Variants in SEMA3A observed in about 807,000 individuals in gnomAD.
SEMA3A encodes semaphorin 3A.
SEMA3A carries 29 observed loss-of-function variants against 97.9 expected under a neutral mutation model. The ratio of observed to expected loss-of-function variants is 0.30; its 90% CI spans 0.22 to 0.40. The LOEUF (loss-of-function observed/expected upper bound fraction) is 0.40. Ranked by LOEUF, SEMA3A falls within the 10% of genes least tolerant of loss-of-function variation. The pLI is 1.00. For missense variants in SEMA3A, 763 were observed against 951.3 expected, an observed-to-expected ratio of 0.80 and a Z score of 2.60; for synonymous variants, 321 against 323.7, an observed-to-expected ratio of 0.99 and a Z score of 0.09.
At position 84,300,440 on chromosome 7, in the gene SEMA3A, A is replaced by C. The variant is rs1158088216; in HGVS notation, c.-83+6767T>G. Among the ~76,000 whole-genome samples, 3 of 152,108 alleles carry C rather than the reference A, an allele frequency of 2.0e-5. No homozygotes were observed. In the East Asian group the frequency reaches 5.8e-4, roughly 29 times the overall value. ...TACACTTGAAAATATCAGTGATAAA[A>C]ATAAAATTCTAAAAGCTTTTTATTT... On this transcript the variant is annotated intron_variant, in intron 3 of 3. Transcript: ENST00000424555.
At position 83,961,840 on chromosome 7, in the gene SEMA3A, A is replaced by G; in HGVS notation, c.1861-14T>C. The G allele has an allele frequency of 6.3e-7, 1 of 1,595,444 alleles. No homozygotes were observed. The highest frequency in any genetic ancestry group is 8.6e-7 in the Non-Finnish European group (1 of 1,167,140). Reference sequence around the variant, plus strand: ...ATCCACTCTGATCTAGCAGGTTAAAAAAAAGGCAGTGTAAAATATACATAT... The same window carrying G: ...ATCCACTCTGATCTAGCAGGTTAAAGAAAAGGCAGTGTAAAATATACATAT... On this transcript the variant is annotated splice_polypyrimidine_tract_variant and intron_variant, in intron 16 of 16. Coordinates refer to ENST00000265362, the MANE Select transcript of SEMA3A (RefSeq NM_006080.3).
chr7:84,278,414 C>A (rs1800363724), intron 3 of SEMA3A, among the ~76,000 whole-genome samples: 1 of 152,166 alleles, frequency 6.6e-6, no homozygotes, highest in African/African-American at 2.4e-5. Context: ...TGCCTGTTAT[C>A]CAATTCCAAA....
At chr7:84,061,222 A>G (rs1793204153) in intron 4 of SEMA3A, among the ~76,000 whole-genome samples, 1 of 152,200 alleles carries the variant, frequency 6.6e-6, no homozygotes, top group Non-Finnish European at 1.5e-5. Flanking sequence ...CAAGCACATT[A>G]TTACCACGGG....
intron 2 of SEMA3A, among the ~76,000 whole-genome samples, chr7:84,333,408 C>A (rs979338238): frequency 1.1e-4 from 16 of 152,000 alleles, no homozygotes; most frequent in Non-Finnish European, 1.9e-4. Flanking sequence ...AGTCTTTAGC[C>A]TCATCATTTA....
At chr7:84,316,637 A>G (rs1001337197) in intron 2 of SEMA3A, among the ~76,000 whole-genome samples, 2 of 152,148 alleles carry the variant, frequency 1.3e-5, no homozygotes, top group African/African-American at 4.8e-5. Context: ...TTTACCATTT[A>G]AGAGCTCCTG....
chr7:84,188,712 C>A (rs1038017366), intron 1 of SEMA3A, among the ~76,000 whole-genome samples: 2 of 151,776 alleles, frequency 1.3e-5, no homozygotes, highest in African/African-American at 2.4e-5. Context: ...TTGTTTCATT[C>A]ACTATTTTGT....
intron 6 of SEMA3A, among the ~76,000 whole-genome samples, chr7:84,023,782 G>A (rs1375212803): frequency 1.3e-5 from 2 of 151,922 alleles, no homozygotes; most frequent in Non-Finnish European, 2.9e-5. Flanking sequence ...AGGCCGAGGC[G>A]GGTGGATCAC....
intron 1 of SEMA3A, among the ~76,000 whole-genome samples, chr7:84,160,804 C>T (rs1018520508): frequency 2.6e-5 from 4 of 151,796 alleles, no homozygotes; most frequent in African/African-American, 7.2e-5. Flanking sequence ...TGCTTGAACC[C>T]GGGAGGAGGA....
chr7:83,995,094 C>T (rs547748692), intron 12 of SEMA3A, among the ~76,000 whole-genome samples: 1 of 152,268 alleles, frequency 6.6e-6, no homozygotes, highest in African/African-American at 2.4e-5. Context: ...TGCCATCCGT[C>T]ACCCCTTTCT....
intron 4 of SEMA3A, among the ~76,000 whole-genome samples, chr7:84,080,110 AC>A: frequency 7.1e-6 from 1 of 140,534 alleles, no homozygotes; most frequent in South Asian, 2.5e-4. Context: ...AGGACAAAAA[AC>A]CAAACACTGC....
At position 84,132,662 on chromosome 7, in the gene SEMA3A, G is replaced by GTTTTTT. The variant is rs55830654; in HGVS notation, c.270+2126_270+2131dup. 5.7e-4 allele frequency among the ~76,000 whole-genome samples: 49 copies of GTTTTTT among 86,652 alleles called. 2 individuals are homozygous for GTTTTTT. The highest frequency in any genetic ancestry group is 6.7e-4 in the Non-Finnish European group (30 of 45,000). The allele number at this position is 86,652 out of a possible 152,430, so 56.8% of individuals were successfully genotyped here. A position where few individuals can be genotyped will look rare whatever the true frequency, so the allele number is the denominator to read the frequency against. On this transcript the variant is annotated intron_variant, in intron 2 of 16. Transcript: ENST00000265362. ...TCTAATTTTTCTTCATCGACTTGGT[G>GTTTTTT]TTTTTTTTTTTTTTTTTTTTTTTTT... is the stretch of plus-strand genomic sequence containing the variant.
At position 84,484,731 on chromosome 7, in the gene SEMA3A, C is replaced by T. The variant is rs556322419; in HGVS notation, c.-246+7729G>A. On this transcript the variant is annotated intron_variant, in intron 1 of 3. Coordinates refer to the SEMA3A transcript ENST00000424555. Reference sequence around the variant, plus strand: ...CCAAAGTAGAATACATTCCAAAGAACGGCATTACTTATTTCTTGAATCAAA... The same window carrying T: ...CCAAAGTAGAATACATTCCAAAGAATGGCATTACTTATTTCTTGAATCAAA... Among the ~76,000 whole-genome samples, 3 of 152,206 alleles carry T rather than the reference C, an allele frequency of 2.0e-5. No homozygotes were observed. The East Asian group carries it at 5.8e-4, about 29-fold the overall frequency.
intron 3 of SEMA3A, among the ~76,000 whole-genome samples, chr7:84,110,853 T>A (rs1795258640): frequency 1.3e-5 from 2 of 152,162 alleles, no homozygotes. Flanking sequence ...AAACTATTTT[T>A]AATTTATTTA....
chr7:84,492,089 T>A (rs1198615097), intron 1 of SEMA3A, among the ~76,000 whole-genome samples: 1 of 152,170 alleles, frequency 6.6e-6, no homozygotes, highest in South Asian at 2.1e-4. Context: ...GAAGGGTATG[T>A]GCTTTAAAGA....
chr7:84,482,374 A>G (rs1278768837), intron 1 of SEMA3A, among the ~76,000 whole-genome samples: 7 of 152,202 alleles, frequency 4.6e-5, no homozygotes, highest in Admixed American at 4.6e-4. Context: ...AGTAGACTCA[A>G]TTTCATTCAA....
chr7:84,271,660 C>T (rs1800156092), intron 3 of SEMA3A, among the ~76,000 whole-genome samples: 1 of 152,070 alleles, frequency 6.6e-6, no homozygotes, highest in South Asian at 2.1e-4. Context: ...CAATCCTAAG[C>T]AATCTTACAT....
At chr7:84,159,003 C>T (rs1562821146) in intron 1 of SEMA3A, among the ~76,000 whole-genome samples, 2 of 151,260 alleles carry the variant, frequency 1.3e-5, no homozygotes, top group Admixed American at 6.6e-5. Context: ...CTGGCATCTA[C>T]GAAAGTAGTA....
intron 1 of SEMA3A, among the ~76,000 whole-genome samples, chr7:84,171,358 G>A (rs1031770791): frequency 1.3e-5 from 2 of 152,074 alleles, no homozygotes; most frequent in Non-Finnish European, 2.9e-5. Flanking sequence ...AGAAAGATTT[G>A]CACTTCTTCA....
chr7:84,408,811 A>C (rs926429250), intron 1 of SEMA3A, among the ~76,000 whole-genome samples: 1 of 151,232 alleles, frequency 6.6e-6, no homozygotes, highest in Non-Finnish European at 1.5e-5. Flanking sequence ...ACCAAACACC[A>C]CATGTTCTCA....
Sources: allele counts gnomAD v4.1 joint callset (sites outside exome capture counted in the v4.1 genomes callset), GRCh38; gene constraint gnomAD v4.1.1; transcripts MANE v1.5; gene names NCBI Gene and HGNC (gene_info 2026-07-23, HGNC 2026-07-21).